GSE1: variants seen among roughly 807,000 people sequenced by gnomAD.
GSE1 encodes the protein Gse1 coiled-coil protein.
A neutral mutation model predicts 112.6 loss-of-function variants in GSE1; 32 were observed. The observed-to-expected ratio is 0.28, with a 90% CI of 0.21 to 0.38. GSE1 has a LOEUF of 0.38. Ranked by LOEUF, GSE1 falls within the 10% of genes least tolerant of loss-of-function variation. GSE1 has a pLI of 1.00. For missense variants in GSE1, 2,348 were observed against 1,699.2 expected, an observed-to-expected ratio of 1.38 and a Z score of -6.71; for synonymous variants, 1,115 against 735.6, an observed-to-expected ratio of 1.52 and a Z score of -8.35.
In GSE1 at chr16:85,514,426, T is replaced by TTCC. The variant is rs2051853504; in HGVS notation, c.2465-119488_2465-119487insTCC. Among the ~76,000 whole-genome samples the TTCC allele has an allele frequency of 1.0e-4, 6 of 58,956 alleles. 1 individual carries two copies. The highest frequency in any genetic ancestry group is 1.8e-4 in the Admixed American group (1 of 5,422). The allele number at this position is 58,956 out of a possible 152,430, so 38.7% of individuals were successfully genotyped here. A position where few individuals can be genotyped will look rare whatever the true frequency, so the allele number is the denominator to read the frequency against. ...CCCAGGATGCCCGCATGCTCTCGAG[T>TTCC]CCCCCCCCCCACCCCAGGGCAGCTC... On this transcript the variant is annotated intron_variant, in intron 2 of 2. Transcript: ENST00000637419.
chr16:85,568,665 G>A (rs1410448183), intron 1 of GSE1, among the ~76,000 whole-genome samples: 5 of 152,206 alleles, frequency 3.3e-5, no homozygotes, highest in Non-Finnish European at 5.9e-5. Flanking sequence ...CAGGGCGGAG[G>A]CTCTTGGGAA....
intron 1 of GSE1, among the ~76,000 whole-genome samples, chr16:85,587,043 T>G (rs1426963418): frequency 2.0e-5 from 3 of 152,150 alleles, no homozygotes; most frequent in South Asian, 4.1e-4. Flanking sequence ...TGCAGAATTG[T>G]GTGTGTGGTG....
intron 2 of GSE1, among the ~76,000 whole-genome samples, chr16:85,498,305 A>T (rs1256628400): frequency 6.6e-6 from 1 of 152,134 alleles, no homozygotes; most frequent in Admixed American, 6.5e-5. Flanking sequence ...ACAGATATAC[A>T]CATGCATATA....
At chr16:85,379,596 A>G (rs750146080) in intron 2 of GSE1, among the ~76,000 whole-genome samples, 13 of 152,148 alleles carry the variant, frequency 8.5e-5, no homozygotes, top group Non-Finnish European at 1.8e-4. Flanking sequence ...GGTCTTACTT[A>G]GAAGCAGCAG....
intron 1 of GSE1, among the ~76,000 whole-genome samples, chr16:85,566,122 G>A (rs1401438895): frequency 6.6e-6 from 1 of 152,192 alleles, no homozygotes; most frequent in Non-Finnish European, 1.5e-5. Context: ...GGGACCAAGC[G>A]CTGTAGGACC....
intron 2 of GSE1, among the ~76,000 whole-genome samples, chr16:85,479,672 C>G (rs535508222): frequency 3.3e-5 from 5 of 152,290 alleles, no homozygotes; most frequent in South Asian, 2.1e-4. Context: ...CTCACCAACC[C>G]TTCTCTGTGC....
intron 1 of GSE1, among the ~76,000 whole-genome samples, chr16:85,325,330 C>T (rs933068176): frequency 2.0e-5 from 3 of 152,112 alleles, no homozygotes; most frequent in Non-Finnish European, 2.9e-5. Context: ...CCTGGACGGG[C>T]ACTGTGTTTT....
chr16:85,655,315 C>T (rs1295617387), intron 5 of GSE1, among the ~76,000 whole-genome samples: 1 of 152,070 alleles, frequency 6.6e-6, no homozygotes, highest in South Asian at 2.1e-4. Context: ...TGCTGTGTAG[C>T]AGGAGACCTC....
chr16:85,282,913 G>A (rs2044897286), intron 1 of GSE1: 1 of 152,246 alleles, frequency 6.6e-6, no homozygotes, highest in Non-Finnish European at 1.5e-5. Flanking sequence ...TTCCAGGGGT[G>A]GCGCCACCAG....
chr16:85,666,094 G>T lies in GSE1; in HGVS notation c.2877G>T (p.Glu959Asp). The T allele has an allele frequency of 6.2e-7, 1 of 1,613,218 alleles. No individual in the cohort carries two copies. Among genetic ancestry groups the T allele is most frequent in the Middle Eastern group, 1.6e-4 (1 of 6,062 alleles). Residue 959 changes from glutamate (E) to aspartate (D), a missense_variant, in exon 13 of 16, where the codon GAG (glutamate) becomes GAT (aspartate). Transcript: ENST00000253458. Reference protein sequence around the residue: ...PGKLEQVRPQELSRVQELAPA... With the variant: ...PGKLEQVRPQDLSRVQELAPA... ...AGCTGGAACAGGTCCGGCCCCAGGA[G>T]CTGTCGAGAGTCCAGGAGCTAGCTC...
intron 2 of GSE1, among the ~76,000 whole-genome samples, chr16:85,636,636 G>A (rs1273293873): frequency 1.3e-5 from 2 of 152,218 alleles, no homozygotes; most frequent in African/African-American, 4.8e-5. Context: ...TCGCAAGACG[G>A]CAGCCACAGC....
At chr16:85,337,052 A>G (rs1008692865) in intron 1 of GSE1, among the ~76,000 whole-genome samples, 1 of 152,178 alleles carries the variant, frequency 6.6e-6, no homozygotes, top group South Asian at 2.1e-4. Context: ...ACACTGACAC[A>G]TATGCACACA....
chr16:85,629,661 A>G (rs1252007510), intron 1 of GSE1, among the ~76,000 whole-genome samples: 6 of 152,172 alleles, frequency 3.9e-5, no homozygotes, highest in African/African-American at 1.4e-4. Context: ...TAGGGCGGCC[A>G]AGATGTAGAG....
chr16:85,216,972 C>A (rs2075315242), intron 1 of GSE1, among the ~76,000 whole-genome samples: 1 of 152,210 alleles, frequency 6.6e-6, no homozygotes, highest in Non-Finnish European at 1.5e-5. Context: ...GCGGCAAGCC[C>A]CTGATGCTTG....
At chr16:85,199,622 T>C (rs1235999594) in intron 1 of GSE1, among the ~76,000 whole-genome samples, 1 of 152,226 alleles carries the variant, frequency 6.6e-6, no homozygotes, top group Non-Finnish European at 1.5e-5. Flanking sequence ...TTTTTTCTCC[T>C]GTGAAAAGTG....
chr16:85,383,970 C>T (rs866226505), intron 2 of GSE1, among the ~76,000 whole-genome samples: 2 of 152,172 alleles, frequency 1.3e-5, no homozygotes. Flanking sequence ...GGCTTGGCCG[C>T]CACCCCTGAC....
intron 1 of GSE1, among the ~76,000 whole-genome samples, chr16:85,228,083 A>G (rs1282811140): frequency 6.6e-6 from 1 of 152,056 alleles, no homozygotes; most frequent in Non-Finnish European, 1.5e-5. Flanking sequence ...CTCCCTGGGG[A>G]CGGGTGATCC....
intron 1 of GSE1, among the ~76,000 whole-genome samples, chr16:85,255,838 A>G (rs1417767105): frequency 6.6e-6 from 1 of 152,084 alleles, no homozygotes; most frequent in Non-Finnish European, 1.5e-5. Context: ...ACCAGTGTGC[A>G]TGACCATGCC....
At chr16:85,519,187 C>T (rs1598041457) in intron 2 of GSE1, among the ~76,000 whole-genome samples, 2 of 140,702 alleles carry the variant, frequency 1.4e-5, no homozygotes, top group South Asian at 4.3e-4. Flanking sequence ...AACGTTTTCC[C>T]CTATGACCCT....
Sources: allele counts gnomAD v4.1 joint callset (sites outside exome capture counted in the v4.1 genomes callset), GRCh38; gene constraint gnomAD v4.1.1; transcripts MANE v1.5; gene names NCBI Gene and HGNC (gene_info 2026-07-23, HGNC 2026-07-21).